Variants in KLHDC4 observed in about 807,000 individuals in gnomAD.
KLHDC4 encodes kelch domain-containing protein 4.
A neutral mutation model predicts 62.4 loss-of-function variants in KLHDC4; 90 were observed. The observed-to-expected ratio is 1.44, with a 90% CI of 1.22 to 1.72. The LOEUF (loss-of-function observed/expected upper bound fraction) is 1.72, where lower values mean the gene tolerates loss of function less well. KLHDC4 is among the 40% of genes most tolerant of loss of function. The probability of loss-of-function intolerance (pLI) is 0.00; values close to 1 mark genes in which losing one functional copy is unlikely to be tolerated. For synonymous variants in KLHDC4, 386 were observed against 284.4 expected (o/e 1.36, Z -3.59); for missense variants, 1,025 against 699.7 (o/e 1.47, Z -5.25).
At chr16:87,716,953 A>G (rs1178705607) in intron 7 of KLHDC4, among the ~76,000 whole-genome samples, 1 of 150,456 alleles carries the variant, frequency 6.6e-6, no homozygotes, top group Non-Finnish European at 1.5e-5. Flanking sequence ...AAGAAAAGAA[A>G]CTAAGATACC....
At chr16:87,738,049 C>T (rs1421901952) in intron 5 of KLHDC4, among the ~76,000 whole-genome samples, 1 of 152,090 alleles carries the variant, frequency 6.6e-6, no homozygotes, top group Non-Finnish European at 1.5e-5. Context: ...GTCGATAGAC[C>T]CCAGGTTACT....
At chr16:87,751,545 G>A (rs1214011180) in intron 4 of KLHDC4, among the ~76,000 whole-genome samples, 30 of 152,096 alleles carry the variant, frequency 2.0e-4, no homozygotes, top group Admixed American at 1.9e-3. Flanking sequence ...TCAGTTTAGG[G>A]AGAATAGACA....
At chr16:87,710,260 G>T (rs1344384310) in intron 9 of KLHDC4, 1 of 154,512 alleles carries the variant, frequency 6.5e-6, no homozygotes, top group Non-Finnish European at 1.4e-5. Flanking sequence ...GCGTCGCAGG[G>T]GTCAGTCTGG....
chr16:87,758,150 A>T (rs1487553317), intron 2 of KLHDC4, among the ~76,000 whole-genome samples: 2 of 152,228 alleles, frequency 1.3e-5, no homozygotes, highest in African/African-American at 4.8e-5. Context: ...AACATGTCAT[A>T]GGCTGGGAAT....
At chr16:87,721,549 G>A (rs28367166) in intron 7 of KLHDC4, among the ~76,000 whole-genome samples, 64,996 of 151,844 alleles carry the variant, frequency 0.43, 14,069 homozygotes, top group Middle Eastern at 0.57. Flanking sequence ...ACCTGCAGCC[G>A]GTGACCTGGG....
intron 7 of KLHDC4, among the ~76,000 whole-genome samples, chr16:87,715,435 A>T (rs2036760130): frequency 6.6e-6 from 1 of 152,030 alleles, no homozygotes; most frequent in Non-Finnish European, 1.5e-5. Flanking sequence ...AGCGTGGCCC[A>T]CACTTCATTC....
chr16:87,703,249 C>A (rs542207433), downstream of KLHDC4: 3 of 151,680 alleles, frequency 2.0e-5, no homozygotes. Flanking sequence ...GTGCAGGAAT[C>A]GCGAGTGAGT....
At chr16:87,760,153 C>T (rs1034616709) in intron 2 of KLHDC4, among the ~76,000 whole-genome samples, 1 of 151,488 alleles carries the variant, frequency 6.6e-6, no homozygotes, top group African/African-American at 2.4e-5. Context: ...ACCCAGGGAA[C>T]TGCCAACACC....
chr16:87,711,327 C>A lies in KLHDC4; in HGVS notation c.952G>T (p.Glu318Ter). The change falls in exon 9 of 12, where the codon GAG becomes TAG. Residue 318 changes from glutamate to a stop codon, truncating the protein, a stop_gained. Coordinates refer to ENST00000270583, the MANE Select transcript of KLHDC4 (RefSeq NM_017566.4). LOFTEE classifies it high-confidence loss of function. ...CCCGACAGGCTCTCCTCCTCTTCCT[C>A]GTCACAGACACCCCCGAAGAACAGT... Reference protein sequence around the residue: ...QTLFFGGVCDEEEEESLSGEF... With the variant: ...QTLFFGGVCD The A allele has an allele frequency of 1.2e-6, 2 of 1,614,086 alleles. No individual in the cohort carries two copies. The highest frequency in any genetic ancestry group is 2.2e-5 in the South Asian group (2 of 91,082).
intron 7 of KLHDC4, among the ~76,000 whole-genome samples, chr16:87,726,091 T>C (rs923818960): frequency 3.3e-5 from 5 of 152,138 alleles, no homozygotes; most frequent in Non-Finnish European, 7.4e-5. Flanking sequence ...GAACTGTTTA[T>C]ATTCAACCAA....
At chr16:87,760,891 G>C (rs1240938740) in intron 2 of KLHDC4, among the ~76,000 whole-genome samples, 1 of 151,976 alleles carries the variant, frequency 6.6e-6, no homozygotes, top group Non-Finnish European at 1.5e-5. Flanking sequence ...AAATTAGCTG[G>C]GTATGGTGGC....
intron 4 of KLHDC4, among the ~76,000 whole-genome samples, chr16:87,753,127 A>G (rs2044286566): frequency 6.6e-6 from 1 of 152,196 alleles, no homozygotes. Flanking sequence ...GAGGCAGCTA[A>G]AAGTGGCAGG....
At chr16:87,762,888 T>C (rs1482457909) in intron 1 of KLHDC4, among the ~76,000 whole-genome samples, 1 of 152,014 alleles carries the variant, frequency 6.6e-6, no homozygotes, top group Non-Finnish European at 1.5e-5. Context: ...GCAGACCATC[T>C]TCCCTCCCCC....
At chr16:87,732,878 G>C (rs1431725243) in intron 5 of KLHDC4, among the ~76,000 whole-genome samples, 2 of 148,344 alleles carry the variant, frequency 1.3e-5, no homozygotes, top group African/African-American at 5.0e-5. Flanking sequence ...CAGGTGCAAA[G>C]CAAATCCTAT....
chr16:87,759,752 TA>T (rs151030799), intron 2 of KLHDC4, among the ~76,000 whole-genome samples: 1 of 151,916 alleles, frequency 6.6e-6, no homozygotes, highest in African/African-American at 2.4e-5. Flanking sequence ...GAAAAAAAAA[TA>T]AAGAGTGTTT....
At chr16:87,722,152 G>A (rs1368969516) in intron 7 of KLHDC4, among the ~76,000 whole-genome samples, 1 of 152,236 alleles carries the variant, frequency 6.6e-6, no homozygotes, top group Non-Finnish European at 1.5e-5. Context: ...CCCACACGCT[G>A]CATCTCTTTC....
chr16:87,700,301 G>A (rs1478975560), exon 1 of KLHDC4: 1 of 154,900 alleles, frequency 6.5e-6, no homozygotes, highest in Admixed American at 6.5e-5. Flanking sequence ...GCCTTCCATA[G>A]CTGCAGGTGC....
intron 5 of KLHDC4, among the ~76,000 whole-genome samples, chr16:87,734,567 C>G (rs765026296): frequency 6.6e-6 from 1 of 152,158 alleles, no homozygotes; most frequent in Non-Finnish European, 1.5e-5. Context: ...CATATCAGCA[C>G]CCCTTTCAAT....
chr16:87,712,020 G>A (rs1013719794), intron 8 of KLHDC4, among the ~76,000 whole-genome samples: 1 of 151,034 alleles, frequency 6.6e-6, no homozygotes, highest in Non-Finnish European at 1.5e-5. Context: ...GCCTGCACGG[G>A]GACCCTCCGC....
Sources: allele counts gnomAD v4.1 joint callset (sites outside exome capture counted in the v4.1 genomes callset), GRCh38; gene constraint gnomAD v4.1.1; transcripts MANE v1.5; gene names NCBI Gene and HGNC (gene_info 2026-07-23, HGNC 2026-07-21).